Variants in ULK4 observed in about 807,000 individuals in gnomAD.
ULK4 encodes inactive serine/threonine-protein kinase ULK4.
ULK4 carries 133 observed loss-of-function variants against 160.6 expected under a neutral mutation model. The observed-to-expected ratio is 0.83, with a 90% CI of 0.72 to 0.96. ULK4 has a LOEUF of 0.96. Ranked by LOEUF, ULK4 falls within the 40% of genes least tolerant of loss-of-function variation. The pLI is 0.00. For synonymous variants in ULK4, 534 were observed against 539.8 expected (o/e 0.99, Z 0.15); for missense variants, 1,580 against 1,499.5 (o/e 1.05, Z -0.89).
intron 31 of ULK4, among the ~76,000 whole-genome samples, chr3:41,612,694 C>T (rs1036985427): frequency 3.3e-5 from 5 of 152,210 alleles, no homozygotes; most frequent in African/African-American, 4.8e-5. Context: ...ATTTCCACTT[C>T]ACTATTTTAT....
rs2035934358 is a variant in ULK4, at chr3:41,681,820, T to C, written c.2782-16A>G. 6.2e-7 allele frequency: 1 copy of C among 1,613,542 alleles called. No individual in the cohort carries two copies. Among genetic ancestry groups the C allele is most frequent in the African/African-American group, 1.3e-5 (1 of 74,884 alleles). ...AGTCAACAACCTAAAAGAAAGCATG[T>C]AAAAGACTCAGAATCTCTATGAACA... On this transcript the variant is annotated splice_polypyrimidine_tract_variant and intron_variant, in intron 27 of 36. Transcript: ENST00000301831.
chr3:41,556,590 C>T (rs763019994), intron 32 of ULK4, among the ~76,000 whole-genome samples: 20 of 147,846 alleles, frequency 1.4e-4, no homozygotes, highest in Non-Finnish European at 2.2e-4. Context: ...TGGGTTCAAG[C>T]GATTCTCTTG....
chr3:41,452,198 T>C (rs2083439779), intron 34 of ULK4, among the ~76,000 whole-genome samples: 1 of 152,100 alleles, frequency 6.6e-6, no homozygotes, highest in African/African-American at 2.4e-5. Flanking sequence ...TTCATCTACA[T>C]CAGAACCTCC....
chr3:41,282,842 C>T (rs1442163804), intron 35 of ULK4, among the ~76,000 whole-genome samples: 1 of 152,184 alleles, frequency 6.6e-6, no homozygotes, highest in Non-Finnish European at 1.5e-5. Context: ...GCAAAAGAAA[C>T]TATCATCAGA....
At chr3:41,773,602 C>T (rs567335318) in intron 21 of ULK4, among the ~76,000 whole-genome samples, 7 of 152,280 alleles carry the variant, frequency 4.6e-5, no homozygotes, top group African/African-American at 1.7e-4. Flanking sequence ...ACATTCCATG[C>T]TCATGGATAG....
At position 41,413,266 on chromosome 3, in the gene ULK4, T is replaced by C. The variant is rs117965594; in HGVS notation, c.3493-15002A>G. ...GGGTCCCTCCCTCAACATGAGGGGA[T>C]TATGGGAGCTAAAATTCAAGATGAG... is the stretch of plus-strand genomic sequence containing the variant. On this transcript the variant is annotated intron_variant, in intron 34 of 36. Transcript: ENST00000301831. Among the ~76,000 whole-genome samples the C allele has an allele frequency of 8.1e-4, 123 of 152,196 alleles. No individual in the cohort carries two copies. The East Asian group carries it at 0.011, about 14-fold the overall frequency.
Position 41,533,300 on chromosome 3 carries a change from C to T in ULK4, c.3226+32725G>A, listed in dbSNP as rs374507537. Among the ~76,000 whole-genome samples, 8 of 152,320 alleles carry T rather than the reference C, an allele frequency of 5.3e-5. No individual in the cohort carries two copies. In the South Asian group the frequency reaches 1.4e-3, roughly 28 times the overall value. ...TTATTATGTAGGAGAAGTTATTTGA[C>T]ATAGTAAAATTTATTTATTATTTTT... On this transcript the variant is annotated intron_variant, in intron 32 of 36. Coordinates refer to ENST00000301831, the MANE Select transcript of ULK4 (RefSeq NM_017886.4).
chr3:41,636,061 G>C (rs1456633925), intron 30 of ULK4, among the ~76,000 whole-genome samples: 1 of 152,112 alleles, frequency 6.6e-6, no homozygotes, highest in Non-Finnish European at 1.5e-5. Flanking sequence ...CACTTCAAAT[G>C]GGTTCCAGTC....
At chr3:41,733,718 A>T (rs2037915059) in intron 22 of ULK4, among the ~76,000 whole-genome samples, 1 of 148,212 alleles carries the variant, frequency 6.7e-6, no homozygotes, top group Non-Finnish European at 1.5e-5. Context: ...ATTCAACTAA[A>T]CACATGATTT....
At chr3:41,279,254 G>GAAAAA (rs2079295716) in intron 35 of ULK4, among the ~76,000 whole-genome samples, 3 of 54,176 alleles carry the variant, frequency 5.5e-5, no homozygotes, top group African/African-American at 1.2e-4. Context: ...GAAAAAAAGA[G>GAAAAA]TAAAAAAAAA....
chr3:41,489,569 C>A, intron 32 of ULK4, among the ~76,000 whole-genome samples: 1 of 152,268 alleles, frequency 6.6e-6, no homozygotes, highest in East Asian at 1.9e-4. Context: ...TCTTTTCTCC[C>A]CATGACCCCC....
intron 34 of ULK4, among the ~76,000 whole-genome samples, chr3:41,446,935 TTA>T (rs1301916084): frequency 2.7e-5 from 4 of 150,090 alleles, no homozygotes; most frequent in Non-Finnish European, 4.5e-5. Context: ...AAAAAAAAAA[TTA>T]GCCGGGCATG....
intron 35 of ULK4, among the ~76,000 whole-genome samples, chr3:41,253,990 A>C (rs1187028544): frequency 6.6e-6 from 1 of 152,236 alleles, no homozygotes; most frequent in Non-Finnish European, 1.5e-5. Flanking sequence ...AATTACACAT[A>C]CAGAAAGCAA....
chr3:41,463,879 TCC>T (rs2083756872), intron 32 of ULK4, among the ~76,000 whole-genome samples: 1 of 152,086 alleles, frequency 6.6e-6, no homozygotes, highest in Non-Finnish European at 1.5e-5. Context: ...GACATTTTTA[TCC>T]TATTATATAG....
intron 31 of ULK4, among the ~76,000 whole-genome samples, chr3:41,593,331 T>C (rs1264977411): frequency 6.6e-6 from 1 of 152,172 alleles, no homozygotes; most frequent in Non-Finnish European, 1.5e-5. Context: ...CTTTAGTGAT[T>C]TGTTGATTGA....
intron 16 of ULK4, among the ~76,000 whole-genome samples, chr3:41,890,229 G>GA (rs1186284382): frequency 6.6e-6 from 1 of 152,044 alleles, no homozygotes; most frequent in Non-Finnish European, 1.5e-5. Flanking sequence ...TATGGTATGT[G>GA]AATTATACCT....
chr3:41,583,928 G>A (rs2030581426), intron 31 of ULK4, among the ~76,000 whole-genome samples: 1 of 152,212 alleles, frequency 6.6e-6, no homozygotes, highest in South Asian at 2.1e-4. Flanking sequence ...GCAGAGAACA[G>A]AAGCACCTGT....
At chr3:41,685,236 C>G (rs1559484130) in intron 27 of ULK4, among the ~76,000 whole-genome samples, 1 of 152,216 alleles carries the variant, frequency 6.6e-6, no homozygotes, top group South Asian at 2.1e-4. Context: ...AGGACAATAA[C>G]TTGTTCAGCA....
At chr3:41,669,042 C>CA (rs2035443444) in intron 29 of ULK4, among the ~76,000 whole-genome samples, 1 of 151,824 alleles carries the variant, frequency 6.6e-6, no homozygotes, top group Admixed American at 6.6e-5. Flanking sequence ...GAAAAATGGA[C>CA]AAAATTCACA....
Sources: gnomAD v4.1 joint callset for allele counts (sites outside exome capture counted in the v4.1 genomes callset) on GRCh38, gnomAD v4.1.1 for gene constraint, MANE v1.5 for transcripts, NCBI Gene and HGNC (gene_info 2026-07-23, HGNC 2026-07-21) for gene names.